CASK: variants seen among roughly 807,000 people sequenced by gnomAD.
The protein encoded by CASK is calcium/calmodulin dependent serine protein kinase, also known as peripheral plasma membrane protein CASK.
Under a neutral mutation model 82.9 loss-of-function variants are expected in CASK, and 4 were observed. That is an observed-to-expected ratio of 0.05 (90% CI 0.02 to 0.11). CASK has a LOEUF of 0.11. Among genes scored for constraint, CASK ranks in the 10% least tolerant of loss-of-function variants. The pLI is 1.00. For synonymous variants in CASK, 259 were observed against 253.5 expected, an observed-to-expected ratio of 1.02 and a Z score of -0.20; for missense variants, 358 against 720.9, an observed-to-expected ratio of 0.50 and a Z score of 5.76.
At chrX:41,865,859 A>G (rs1215992206) in intron 1 of CASK, among the ~76,000 whole-genome samples, 1 of 111,624 alleles carries the variant, frequency 9.0e-6, no homozygotes, top group Non-Finnish European at 1.9e-5. Flanking sequence ...GCAGGGATAA[A>G]AGGTACTTCC....
chrX:41,723,504 A>T (rs1036431208), intron 5 of CASK, among the ~76,000 whole-genome samples: 1 of 112,302 alleles, frequency 8.9e-6, no homozygotes, highest in Non-Finnish European at 1.9e-5. Flanking sequence ...TCTGAGGCAT[A>T]CTTGGCACTT....
chrX:41,896,746 G>A (rs2072277284), intron 1 of CASK, among the ~76,000 whole-genome samples: 1 of 111,557 alleles, frequency 9.0e-6, no homozygotes, highest in Non-Finnish European at 1.9e-5. Flanking sequence ...AGGGTAAATG[G>A]GATATCCATT....
chrX:41,849,949 T>C (rs1408890782), intron 2 of CASK, among the ~76,000 whole-genome samples: 1 of 111,428 alleles, frequency 9.0e-6, no homozygotes, highest in Admixed American at 9.5e-5. Flanking sequence ...GAGGCCGAGG[T>C]GGGTAGATCA....
intron 2 of CASK, among the ~76,000 whole-genome samples, chrX:41,826,105 C>T (rs1043941397): frequency 8.9e-6 from 1 of 111,971 alleles, no homozygotes; most frequent in Admixed American, 9.5e-5. Flanking sequence ...TACAATCTCA[C>T]TCAAACATTA....
intron 1 of CASK, among the ~76,000 whole-genome samples, chrX:41,863,478 T>C (rs1272144849): frequency 8.9e-6 from 1 of 111,882 alleles, no homozygotes; most frequent in Non-Finnish European, 1.9e-5. Context: ...AAAGAAAAAG[T>C]GCTAAAGGCA....
chrX:41,770,309 TACCTATCCATCCATCCATCCATCC>T (rs1175517083), intron 3 of CASK, among the ~76,000 whole-genome samples: 1 of 101,260 alleles, frequency 9.9e-6, no homozygotes, highest in Non-Finnish European at 2.0e-5. Flanking sequence ...CCTACCTACC[TACCTATCCATCCATCCATCCATCC>T]ATCCATCCAT....
intron 1 of CASK, among the ~76,000 whole-genome samples, chrX:41,899,491 G>A (rs1041625457): frequency 1.8e-5 from 2 of 110,940 alleles, no homozygotes; most frequent in African/African-American, 6.5e-5. Context: ...TTCCTCTCTT[G>A]TCCCTTCCTT....
intron 2 of CASK, among the ~76,000 whole-genome samples, chrX:41,828,901 T>A (rs1166615330): frequency 1.8e-5 from 2 of 112,242 alleles, no homozygotes; most frequent in Non-Finnish European, 3.8e-5. Flanking sequence ...AGGAAGAGAA[T>A]CTTATGTCTG....
At chrX:41,646,547 C>T (rs1292550784) in intron 8 of CASK, among the ~76,000 whole-genome samples, 1 of 111,197 alleles carries the variant, frequency 9.0e-6, no homozygotes, top group African/African-American at 3.3e-5. Flanking sequence ...ATTCTGAGCC[C>T]AGAACACCCA....
At chrX:41,729,786 A>G (rs1388833775) in intron 5 of CASK, 8 of 77,202 alleles carry the variant, frequency 1.0e-4, no homozygotes, top group Non-Finnish European at 1.0e-4. Context: ...AAAAAAATAT[A>G]TATATATATA....
In CASK at chrX:41,915,833, C is replaced by CAA. The variant is rs200108960; in HGVS notation, c.59+7095_59+7096dup. Among the ~76,000 whole-genome samples the CAA allele has an allele frequency of 3.0e-3, 224 of 73,593 alleles. 1 individual carries two copies. Among genetic ancestry groups the CAA allele is most frequent in the African/African-American group, 6.7e-3 (131 of 19,475 alleles). 63.9% of individuals were successfully genotyped at this position (73,593 alleles called of 115,157 possible). On this transcript the variant is annotated intron_variant, in intron 1 of 26. Transcript: ENST00000378163. ...TGAAACCCCATCTCTACTAGAAATACAAAAAAAAAAAAAAAAATTAGCCGG... is the reference window on the plus strand; with the variant it reads ...TGAAACCCCATCTCTACTAGAAATACAAAAAAAAAAAAAAAAAAATTAGCCGG...
chrX:41,820,685 G>C (rs1293218692), intron 2 of CASK, among the ~76,000 whole-genome samples: 1 of 110,757 alleles, frequency 9.0e-6, no homozygotes, highest in Non-Finnish European at 1.9e-5. Flanking sequence ...TAAGTAGCTA[G>C]AATAGCCTAA....
chrX:41,671,277 TA>T lies in CASK; in HGVS notation c.532+150del, dbSNP rs768898197. ...AGTTATGACTACAGAGTTATTAAAT[TA>T]AAAACTATCTGATGATGCTTTTTGG... On this transcript the variant is annotated intron_variant, in intron 6 of 26. Transcript: ENST00000378163. The T allele has an allele frequency of 7.1e-4, 353 of 495,050 alleles. 2 individuals are homozygous for T. In the South Asian group the frequency reaches 9.4e-3, roughly 13 times the overall value. The allele number at this position is 495,050 out of a possible 1,213,427, so 40.8% of individuals were successfully genotyped here.
At chrX:41,886,557 T>C (rs903621340) in intron 1 of CASK, among the ~76,000 whole-genome samples, 1 of 111,875 alleles carries the variant, frequency 8.9e-6, no homozygotes, top group Non-Finnish European at 1.9e-5. Flanking sequence ...TATGCAGATA[T>C]TGCAACTGAT....
intron 6 of CASK, 28 bp downstream of exon 6, chrX:41,671,400 G>T (rs780488927): frequency 1.1e-6 from 1 of 913,368 alleles, no homozygotes; most frequent in Non-Finnish European, 1.6e-6. Flanking sequence ...AGGTTTTGAA[G>T]AATTTTTTTT....
chrX:41,636,166 G>A (rs2066551559), intron 9 of CASK, among the ~76,000 whole-genome samples: 1 of 110,086 alleles, frequency 9.1e-6, no homozygotes, highest in African/African-American at 3.3e-5. Flanking sequence ...CAAAGTGCTG[G>A]GATTACAGGC....
chrX:41,579,139 T>C (rs1181853698), intron 14 of CASK, among the ~76,000 whole-genome samples: 2 of 111,980 alleles, frequency 1.8e-5, no homozygotes, highest in East Asian at 5.5e-4. Context: ...AATTGGAGTA[T>C]TGAGCAAGTA....
Position 41,515,637 on chromosome X carries a change from G to C in CASK, c.*4783C>G, listed in dbSNP as rs186443661. ...CCTGCCTGCACAGATGACATTCCGG[G>C]AAACAGCTAAGACTGGAAATCAATT... On this transcript the variant is annotated 3_prime_UTR_variant, in exon 27 of 27. Transcript: ENST00000378163. 2 of 111,217 alleles carry C rather than the reference G, an allele frequency of 1.8e-5. No individual in the cohort carries two copies. Among genetic ancestry groups the C allele is most frequent in the East Asian group, 5.7e-4 (2 of 3,527 alleles). 9.2% of individuals were successfully genotyped at this position (111,217 alleles called of 1,213,427 possible). A position where few individuals can be genotyped will look rare whatever the true frequency, so the allele number is the denominator to read the frequency against.
Position 41,561,618 on chromosome X carries a change from G to C in CASK, c.1609C>G (p.Arg537Gly). ...QGTLHVGDEI[R>G]EINGISVANQ... ...GCCACACTGATGCCATTGATTTCTC[G>C]AATTTCATCACCAACATGAAGTGTA... The change falls in exon 17 of 27, where the codon CGA (arginine) becomes GGA (glycine). Residue 537 changes from arginine (R) to glycine (G), a missense_variant. By Grantham distance (125) the Arg-to-Gly change is moderately radical. This residue lies in a region of CASK where 110 missense variants were observed against 218.8 expected (regional missense o/e 0.50). Transcript: ENST00000378163. The C allele has an allele frequency of 8.4e-7, 1 of 1,194,748 alleles. No individual in the cohort carries two copies. Among genetic ancestry groups the C allele is most frequent in the Non-Finnish European group, 1.1e-6 (1 of 880,456 alleles).
Sources: allele counts gnomAD v4.1 joint callset (sites outside exome capture counted in the v4.1 genomes callset), GRCh38; gene constraint gnomAD v4.1.1; regional missense constraint gnomAD v4.1.1; transcripts MANE v1.5; gene names NCBI Gene and HGNC (gene_info 2026-07-23, HGNC 2026-07-21).